Variants in FARS2 observed in about 807,000 individuals in gnomAD.
The protein encoded by FARS2 is phenylalanyl-tRNA synthetase 2, mitochondrial, also known as phenylalanine--tRNA ligase, mitochondrial.
In FARS2, 40 loss-of-function variants were observed where a neutral mutation model predicts 46.4. The observed-to-expected ratio is 0.86, with a 90% CI of 0.67 to 1.12. The LOEUF is 1.12. Ranked by LOEUF, FARS2 falls within the 50% of genes most tolerant of loss-of-function variation. The probability of loss-of-function intolerance (pLI) is 0.00; values close to 1 mark genes in which losing one functional copy is unlikely to be tolerated. For missense variants in FARS2, 513 were observed against 567.9 expected, an observed-to-expected ratio of 0.90 and a Z score of 0.98; for synonymous variants, 234 against 214.9, an observed-to-expected ratio of 1.09 and a Z score of -0.78.
At chr6:5,598,095 T>G (rs543257414) in intron 5 of FARS2, among the ~76,000 whole-genome samples, 2 of 152,050 alleles carry the variant, frequency 1.3e-5, no homozygotes, top group East Asian at 1.9e-4. Flanking sequence ...TCTTAAAAAT[T>G]TAGGTGAAAG....
At chr6:5,364,610 G>C (rs1261005398) in intron 1 of FARS2, among the ~76,000 whole-genome samples, 1 of 152,182 alleles carries the variant, frequency 6.6e-6, no homozygotes, top group African/African-American at 2.4e-5. Context: ...CAGAGAGTGA[G>C]TATTTAGGCT....
chr6:5,578,311 C>G (rs1692548914), intron 5 of FARS2, among the ~76,000 whole-genome samples: 1 of 152,038 alleles, frequency 6.6e-6, no homozygotes, highest in African/African-American at 2.4e-5. Flanking sequence ...ACTGTGGCCC[C>G]TTCTCACTGG....
chr6:5,407,824 A>G (rs2127725096), intron 3 of FARS2, among the ~76,000 whole-genome samples: 1 of 152,354 alleles, frequency 6.6e-6, no homozygotes, highest in South Asian at 2.1e-4. Flanking sequence ...AAAAGAAAGG[A>G]ATTGTGATAT....
intron 6 of FARS2, among the ~76,000 whole-genome samples, chr6:5,621,970 C>CTACAT (rs1244492346): frequency 6.6e-6 from 1 of 152,218 alleles, no homozygotes; most frequent in African/African-American, 2.4e-5. Flanking sequence ...TCTACATTAC[C>CTACAT]TGCAGTCTTT....
intron 5 of FARS2, among the ~76,000 whole-genome samples, chr6:5,573,829 G>A (rs1416709741): frequency 6.6e-6 from 1 of 152,182 alleles, no homozygotes; most frequent in Non-Finnish European, 1.5e-5. Context: ...TCAGGGCCCA[G>A]CACTGGTATT....
intron 6 of FARS2, among the ~76,000 whole-genome samples, chr6:5,732,164 C>T (rs1760669511): frequency 1.3e-5 from 2 of 152,210 alleles, no homozygotes; most frequent in South Asian, 4.1e-4. Context: ...ATGTACCAGC[C>T]ACTATGCTAG....
chr6:5,705,402 C>T (rs774268765), intron 6 of FARS2, among the ~76,000 whole-genome samples: 31 of 152,056 alleles, frequency 2.0e-4, no homozygotes, highest in Admixed American at 5.9e-4. Flanking sequence ...CCATGAAGAG[C>T]GATTGCGGTG....
intron 4 of FARS2, among the ~76,000 whole-genome samples, chr6:5,444,505 AG>A (rs1764060111): frequency 7.6e-6 from 1 of 131,898 alleles, no homozygotes. Flanking sequence ...AGAGAGAGAG[AG>A]AGAGAGAGGA....
intron 6 of FARS2, among the ~76,000 whole-genome samples, chr6:5,740,492 A>G (rs1761261763): frequency 6.6e-6 from 1 of 152,004 alleles, no homozygotes; most frequent in African/African-American, 2.4e-5. Flanking sequence ...ATGAAGTACC[A>G]AGTAAGGGTT....
At chr6:5,410,990 A>G (rs1034450461) in intron 3 of FARS2, among the ~76,000 whole-genome samples, 1 of 152,228 alleles carries the variant, frequency 6.6e-6, no homozygotes, top group Admixed American at 6.5e-5. Flanking sequence ...GTTCGAGCCC[A>G]CAGGCTGACT....
chr6:5,649,829 T>C (rs1322571636), intron 6 of FARS2, among the ~76,000 whole-genome samples: 1 of 152,148 alleles, frequency 6.6e-6, no homozygotes, highest in Non-Finnish European at 1.5e-5. Context: ...CAGGCCAAGT[T>C]TGGCAGATGT....
chr6:5,668,398 C>A (rs975758499), intron 6 of FARS2, among the ~76,000 whole-genome samples: 2 of 152,192 alleles, frequency 1.3e-5, no homozygotes, highest in Non-Finnish European at 2.9e-5. Flanking sequence ...ACACCCAGCA[C>A]ACTGTTAGGG....
chr6:5,632,949 C>G (rs774454446), intron 6 of FARS2, among the ~76,000 whole-genome samples: 1 of 151,854 alleles, frequency 6.6e-6, no homozygotes, highest in Non-Finnish European at 1.5e-5. Context: ...TCCTTCCTTC[C>G]ATCCTTCCTT....
chr6:5,575,958 A>G (rs1275123145), intron 5 of FARS2, among the ~76,000 whole-genome samples: 1 of 152,154 alleles, frequency 6.6e-6, no homozygotes, highest in Non-Finnish European at 1.5e-5. Context: ...TTGCCCCCAT[A>G]TTGGTGGTGA....
chr6:5,640,142 G>GTGTGTGTA (rs2150737546), intron 6 of FARS2, among the ~76,000 whole-genome samples: 1 of 122,432 alleles, frequency 8.2e-6, no homozygotes, highest in African/African-American at 4.8e-5. Context: ...TTTGTCAGGT[G>GTGTGTGTA]TGTGTGTGTG....
intron 5 of FARS2, among the ~76,000 whole-genome samples, chr6:5,592,381 G>A (rs1326250134): frequency 6.7e-6 from 1 of 149,254 alleles, no homozygotes; most frequent in Non-Finnish European, 1.5e-5. Context: ...GCGAGACCTT[G>A]TCTCCAAAAA....
Position 5,754,398 on chromosome 6 carries a change from C to T in FARS2, c.1218-16893C>T, listed in dbSNP as rs936464765. ...GAGCTATTTACTCCAGCCTAGGGCA[C>T]TTCTGCGAAAACCATCTGAGAGTAT... On this transcript the variant is annotated intron_variant, in intron 6 of 6. Coordinates refer to ENST00000274680, the MANE Select transcript of FARS2 (RefSeq NM_006567.5). 7.3e-4 allele frequency among the ~76,000 whole-genome samples: 111 copies of T among 152,324 alleles called. 1 individual carries two copies. The highest frequency in any genetic ancestry group is 2.5e-3 in the African/African-American group (103 of 41,576).
At chr6:5,257,415 G>A (rs979861526), upstream of FARS2, among the ~76,000 whole-genome samples, 1 of 152,134 alleles carries the variant, frequency 6.6e-6, no homozygotes, top group Non-Finnish European at 1.5e-5. Flanking sequence ...CCCAGTCTGT[G>A]ACAACTATCT....
At chr6:5,629,442 A>G (rs1191292463) in intron 6 of FARS2, among the ~76,000 whole-genome samples, 1 of 152,082 alleles carries the variant, frequency 6.6e-6, no homozygotes, top group Non-Finnish European at 1.5e-5. Flanking sequence ...GGTAGAATGT[A>G]TATGTCTGTC....
Sources: allele counts gnomAD v4.1 joint callset (sites outside exome capture counted in the v4.1 genomes callset), GRCh38; gene constraint gnomAD v4.1.1; transcripts MANE v1.5; gene names NCBI Gene and HGNC (gene_info 2026-07-23, HGNC 2026-07-21).